The following LPP variants were observed in gnomAD, a reference collection of about 807,000 sequenced individuals.
The protein encoded by LPP is LIM domain containing preferred translocation partner in lipoma.
Under a neutral mutation model 60.4 loss-of-function variants are expected in LPP, and 38 were observed. The observed-to-expected ratio is 0.63, with a 90% CI of 0.49 to 0.83. The LOEUF (loss-of-function observed/expected upper bound fraction) is 0.83, where lower values mean the gene tolerates loss of function less well. LPP is among the 40% of genes least tolerant of loss of function. The probability of loss-of-function intolerance (pLI) is 0.00; values close to 1 mark genes in which losing one functional copy is unlikely to be tolerated. For missense variants in LPP, 902 were observed against 783.6 expected, an observed-to-expected ratio of 1.15 and a Z score of -1.80; for synonymous variants, 328 against 290.8, an observed-to-expected ratio of 1.13 and a Z score of -1.30.
chr3:188,693,503 G>C (rs570810009), intron 7 of LPP, among the ~76,000 whole-genome samples: 9 of 152,222 alleles, frequency 5.9e-5, no homozygotes, highest in East Asian at 3.9e-4. Flanking sequence ...GAGATGAAAG[G>C]GGGGAGGCAA....
At chr3:188,208,548 G>A (rs767652205) in intron 1 of LPP, among the ~76,000 whole-genome samples, 3 of 152,178 alleles carry the variant, frequency 2.0e-5, no homozygotes, top group Admixed American at 6.5e-5. Flanking sequence ...ATTTCCCCAC[G>A]GGCTTATTTC....
At chr3:188,301,066 G>A (rs1210055574) in intron 2 of LPP, among the ~76,000 whole-genome samples, 2 of 151,898 alleles carry the variant, frequency 1.3e-5, no homozygotes, top group African/African-American at 2.4e-5. Context: ...TTTTTTCCAT[G>A]CTTGTTTTTC....
chr3:188,493,210 A>T (rs1273333684), intron 5 of LPP, among the ~76,000 whole-genome samples: 1 of 152,168 alleles, frequency 6.6e-6, no homozygotes, highest in Non-Finnish European at 1.5e-5. Context: ...TCTCGGGTCA[A>T]ATTTGCTTTA....
chr3:188,765,893 C>T (rs1733935321), intron 9 of LPP, among the ~76,000 whole-genome samples: 1 of 95,602 alleles, frequency 1.0e-5, no homozygotes, highest in African/African-American at 4.1e-5. Context: ...TTTTTGGAGA[C>T]AGGGTCTCTC....
chr3:188,610,234 A>G lies in LPP; in HGVS notation c.1113+390A>G. Among the ~76,000 whole-genome samples the G allele has an allele frequency of 6.6e-6, 1 of 152,218 alleles. No homozygotes were observed. Among genetic ancestry groups the G allele is most frequent in the Non-Finnish European group, 1.5e-5 (1 of 68,048 alleles). ...ACACCTTGCATTTGCTTGGACATTA[A>G]ACAGGTCTGTAGTATCTCAAGCCTC... On this transcript the variant is annotated intron_variant, in intron 7 of 11. Transcript: ENST00000617246. This position sits in a 1 kb window ranked among gnomAD's most constrained non-coding sequence, Gnocchi z 4.4.
chr3:188,264,743 C>T (rs1177148449), intron 2 of LPP, among the ~76,000 whole-genome samples: 2 of 152,152 alleles, frequency 1.3e-5, no homozygotes, highest in Non-Finnish European at 2.9e-5. Context: ...TTCCCCACCC[C>T]TGTTCGCCAC....
At chr3:188,206,977 C>G (rs759915940) in intron 1 of LPP, among the ~76,000 whole-genome samples, 1 of 152,004 alleles carries the variant, frequency 6.6e-6, no homozygotes, top group African/African-American at 2.4e-5. Context: ...GATTTGGCAG[C>G]GAGGAGTCAA....
At chr3:188,216,093 C>T (rs1040285755) in intron 1 of LPP, among the ~76,000 whole-genome samples, 5 of 152,154 alleles carry the variant, frequency 3.3e-5, no homozygotes, top group African/African-American at 1.2e-4. Flanking sequence ...CACTTTCTCA[C>T]TTAAATCATG....
intron 9 of LPP, among the ~76,000 whole-genome samples, chr3:188,773,783 T>G (rs1425591570): frequency 6.6e-6 from 1 of 152,064 alleles, no homozygotes; most frequent in African/African-American, 2.4e-5. Context: ...TACACGTAGT[T>G]TCTCCACAAA....
chr3:188,320,248 T>C (rs774139360), intron 2 of LPP, among the ~76,000 whole-genome samples: 1 of 152,236 alleles, frequency 6.6e-6, no homozygotes, highest in Non-Finnish European at 1.5e-5. Flanking sequence ...GTGGCAATGA[T>C]TATTGACTAG....
chr3:188,679,723 A>G (rs912459488), intron 7 of LPP, among the ~76,000 whole-genome samples: 20 of 152,148 alleles, frequency 1.3e-4, no homozygotes, highest in Admixed American at 1.1e-3. Flanking sequence ...ATAATAAACA[A>G]TTTTTAAGAT....
chr3:188,618,193 G>A (rs1469901298), intron 7 of LPP, among the ~76,000 whole-genome samples: 1 of 152,106 alleles, frequency 6.6e-6, no homozygotes, highest in East Asian at 1.9e-4. Flanking sequence ...CTGGAGTACA[G>A]CAACCCCAAC....
chr3:188,243,268 G>T (rs984898052), intron 2 of LPP, among the ~76,000 whole-genome samples: 1 of 152,128 alleles, frequency 6.6e-6, no homozygotes, highest in African/African-American at 2.4e-5. Context: ...AGTGAGAACC[G>T]ATTTAAAACT....
At chr3:188,526,359 A>G (rs1820582699) in intron 6 of LPP, among the ~76,000 whole-genome samples, 1 of 151,950 alleles carries the variant, frequency 6.6e-6, no homozygotes, top group Admixed American at 6.6e-5. Context: ...CAGTGGCGCA[A>G]TCTCAGCTCA....
Position 188,346,251 on chromosome 3 carries a change from C to CTTTTTTTTTTTTTTTTTTTTT in LPP, c.-10+4538_-10+4558dup, listed in dbSNP as rs1050679907. ...CAGGGACCTGCCTAAAGTAGCAAATCTTTTTTTTTTTTTTTTTTTTTTTTT... is the reference window on the plus strand; with the variant it reads ...CAGGGACCTGCCTAAAGTAGCAAATCTTTTTTTTTTTTTTTTTTTTTTTTTTTTTTTTTTTTTTTTTTTTTT... On this transcript the variant is annotated intron_variant, in intron 3 of 11. Coordinates refer to ENST00000617246, the MANE Select transcript of LPP (RefSeq NM_001375462.1). 1.1e-4 allele frequency among the ~76,000 whole-genome samples: 10 copies of CTTTTTTTTTTTTTTTTTTTTT among 88,340 alleles called. 1 individual carries two copies. Among genetic ancestry groups the CTTTTTTTTTTTTTTTTTTTTT allele is most frequent in the African/African-American group, 4.7e-4 (9 of 19,120 alleles). 58.0% of individuals were successfully genotyped at this position (88,340 alleles called of 152,430 possible).
chr3:188,779,672 C>A (rs1739009121), intron 9 of LPP, among the ~76,000 whole-genome samples: 1 of 151,054 alleles, frequency 6.6e-6, no homozygotes. Flanking sequence ...AAGTGTAATT[C>A]CAATGATGGG....
intron 6 of LPP, among the ~76,000 whole-genome samples, chr3:188,592,557 G>GTTGTTTGTTT (rs1553936334): frequency 9.3e-5 from 8 of 85,722 alleles, no homozygotes; most frequent in South Asian, 5.7e-4. Flanking sequence ...TTTTGTTTTT[G>GTTGTTTGTTT]TTTTTTAAAT....
chr3:188,497,163 G>A (rs576037256), intron 5 of LPP, among the ~76,000 whole-genome samples: 9 of 152,076 alleles, frequency 5.9e-5, no homozygotes, highest in African/African-American at 1.9e-4. Context: ...AGTTTCTGTC[G>A]TTCCCTTGGG....
chr3:188,693,470 A>G (rs1363317483), intron 7 of LPP, among the ~76,000 whole-genome samples: 1 of 152,178 alleles, frequency 6.6e-6, no homozygotes, highest in Non-Finnish European at 1.5e-5. Flanking sequence ...TCTGAAAGGC[A>G]TGTTATTTGA....
Sources: gnomAD v4.1 joint callset for allele counts (sites outside exome capture counted in the v4.1 genomes callset) on GRCh38, gnomAD v4.1.1 for gene constraint, Gnocchi (gnomAD v3.1) non-coding constraint, MANE v1.5 for transcripts, NCBI Gene and HGNC (gene_info 2026-07-23, HGNC 2026-07-21) for gene names.